Variants in CDH18 observed in about 807,000 individuals in gnomAD.
The protein encoded by CDH18 is cadherin 18.
A neutral mutation model predicts 67.9 loss-of-function variants in CDH18; 31 were observed. The observed-to-expected ratio is 0.46, with a 90% CI of 0.34 to 0.62. The LOEUF (loss-of-function observed/expected upper bound fraction) is 0.62, where lower values mean the gene tolerates loss of function less well. CDH18 is among the 20% of genes least tolerant of loss of function. The probability of loss-of-function intolerance (pLI) is 0.01; values close to 1 mark genes in which losing one functional copy is unlikely to be tolerated. For synonymous variants in CDH18, 362 were observed against 347.2 expected (o/e 1.04, Z -0.48); for missense variants, 890 against 975.5 (o/e 0.91, Z 1.17).
intron 1 of CDH18, among the ~76,000 whole-genome samples, chr5:20,399,025 G>A (rs10067704): frequency 0.034 from 5,063 of 147,996 alleles, 408 homozygotes; most frequent in African/African-American, 0.11. Context: ...TGCACGTTCA[G>A]CACATGTATC....
intron 5 of CDH18, among the ~76,000 whole-genome samples, chr5:19,669,125 TATATA>T (rs1466344220): frequency 5.5e-4 from 81 of 146,964 alleles, no homozygotes; most frequent in Non-Finnish European, 1.0e-3. Flanking sequence ...TAATATATAT[TATATA>T]ATATATCATA....
At chr5:20,177,226 G>A (rs1252588050) in intron 2 of CDH18, among the ~76,000 whole-genome samples, 1 of 152,032 alleles carries the variant, frequency 6.6e-6, no homozygotes, top group Non-Finnish European at 1.5e-5. Flanking sequence ...TCAAAATTCT[G>A]TTAATACTGA....
intron 3 of CDH18, among the ~76,000 whole-genome samples, chr5:19,752,988 C>T (rs1265444799): frequency 6.6e-6 from 1 of 152,164 alleles, no homozygotes; most frequent in Non-Finnish European, 1.5e-5. Flanking sequence ...GGGGAGGACA[C>T]TATGTGAAGG....
chr5:20,279,435 A>G (rs1746052514), intron 1 of CDH18, among the ~76,000 whole-genome samples: 1 of 152,064 alleles, frequency 6.6e-6, no homozygotes, highest in Middle Eastern at 3.2e-3. Context: ...ACCGTGGCTC[A>G]TGCCTGTAAT....
chr5:20,478,262 A>G (rs1752569781), intron 1 of CDH18, among the ~76,000 whole-genome samples: 1 of 152,148 alleles, frequency 6.6e-6, no homozygotes, highest in African/African-American at 2.4e-5. Flanking sequence ...CTGGGACACC[A>G]GCTTGGCCAT....
At position 19,507,124 on chromosome 5, in the gene CDH18, C is replaced by T. The variant is rs184598626; in HGVS notation, c.1513-4015G>A. Among the ~76,000 whole-genome samples the T allele has an allele frequency of 8.9e-3, 1,355 of 152,258 alleles. 18 individuals carry two copies. Among genetic ancestry groups the T allele is most frequent in the African/African-American group, 0.031 (1,271 of 41,532 alleles). ...TGAACAGACACTTCTCAAAAGAAGA[C>T]ATTTATGCAGCCAAAAGACACATGA... On this transcript the variant is annotated intron_variant, in intron 10 of 12. Coordinates refer to ENST00000382275, the MANE Select transcript of CDH18 (RefSeq NM_004934.5).
intron 1 of CDH18, among the ~76,000 whole-genome samples, chr5:20,314,353 A>C (rs1737270865): frequency 6.6e-6 from 1 of 152,016 alleles, no homozygotes; most frequent in South Asian, 2.1e-4. Context: ...CAAAGTGCCC[A>C]CTATAGTTAT....
At chr5:20,404,422 T>C (rs1395821137) in intron 1 of CDH18, among the ~76,000 whole-genome samples, 1 of 152,194 alleles carries the variant, frequency 6.6e-6, no homozygotes, top group African/African-American at 2.4e-5. Context: ...ATTTCCAGCT[T>C]GCAATTTAAA....
chr5:20,303,897 G>A (rs1736173528), intron 1 of CDH18: 1 of 620,924 alleles, frequency 1.6e-6, no homozygotes, highest in Admixed American at 2.9e-5. Context: ...AACATTTAAA[G>A]GTTTTATTGG....
intron 3 of CDH18, among the ~76,000 whole-genome samples, chr5:19,808,325 A>G (rs1007319169): frequency 1.3e-5 from 2 of 150,736 alleles, no homozygotes; most frequent in African/African-American, 4.8e-5. Flanking sequence ...CAACAAAAAA[A>G]AAACAAAAAT....
intron 1 of CDH18, among the ~76,000 whole-genome samples, chr5:20,485,335 A>T (rs1457137129): frequency 6.6e-6 from 1 of 152,124 alleles, no homozygotes; most frequent in Non-Finnish European, 1.5e-5. Flanking sequence ...TGTAATGTTT[A>T]TTGGTCATTC....
intron 1 of CDH18, among the ~76,000 whole-genome samples, chr5:20,295,757 A>G (rs1408249190): frequency 6.6e-6 from 1 of 151,658 alleles, no homozygotes; most frequent in Admixed American, 6.6e-5. Flanking sequence ...AAAGCATAAG[A>G]TTTGATTGTA....
intron 1 of CDH18, among the ~76,000 whole-genome samples, chr5:20,334,578 G>T (rs988227582): frequency 6.6e-6 from 1 of 152,252 alleles, no homozygotes; most frequent in African/African-American, 2.4e-5. Context: ...GAGTCCCAGA[G>T]AGATGACAAA....
chr5:20,004,471 C>T (rs188689547), intron 2 of CDH18, among the ~76,000 whole-genome samples: 1 of 152,314 alleles, frequency 6.6e-6, no homozygotes, highest in South Asian at 2.1e-4. Context: ...GAGAACACTT[C>T]ACCCAATTGC....
chr5:19,568,462 A>C (rs1050460861), intron 8 of CDH18, among the ~76,000 whole-genome samples: 5 of 152,168 alleles, frequency 3.3e-5, no homozygotes, highest in African/African-American at 1.2e-4. Flanking sequence ...CAACCCGACA[A>C]TTCTGGCAAC....
Position 19,618,034 on chromosome 5 carries a change from A to G in CDH18, c.644-5433T>C, listed in dbSNP as rs527457974. ...ATGTTGTACACATTTTGTTTATTAG[A>G]TAATACCACAGAAGACTGCAAAATA... On this transcript the variant is annotated intron_variant, in intron 5 of 12. Coordinates refer to ENST00000382275, the MANE Select transcript of CDH18 (RefSeq NM_004934.5). 5.8e-4 allele frequency among the ~76,000 whole-genome samples: 89 copies of G among 152,304 alleles called. 1 individual carries two copies. Among genetic ancestry groups the G allele is most frequent in the Non-Finnish European group, 1.1e-3 (72 of 68,026 alleles).
chr5:20,357,764 A>G (rs929664444), intron 1 of CDH18, among the ~76,000 whole-genome samples: 9 of 152,178 alleles, frequency 5.9e-5, no homozygotes, highest in Non-Finnish European at 1.3e-4. Flanking sequence ...TTCTCAAATA[A>G]CAAAAGTTGA....
intron 2 of CDH18, among the ~76,000 whole-genome samples, chr5:19,872,967 A>G (rs755281115): frequency 1.2e-4 from 18 of 152,148 alleles, no homozygotes; most frequent in Admixed American, 4.6e-4. Flanking sequence ...CAAATGAAGG[A>G]TAATCTTGTC....
intron 9 of CDH18, among the ~76,000 whole-genome samples, chr5:19,528,953 G>A (rs902615424): frequency 1.3e-5 from 2 of 151,522 alleles, no homozygotes; most frequent in Admixed American, 1.3e-4. Context: ...ACAATAAGAA[G>A]TTTGACTGGT....
Sources: allele counts gnomAD v4.1 joint callset (sites outside exome capture counted in the v4.1 genomes callset), GRCh38; gene constraint gnomAD v4.1.1; transcripts MANE v1.5; gene names NCBI Gene and HGNC (gene_info 2026-07-23, HGNC 2026-07-21).